SHOC2: variants seen among roughly 807,000 people sequenced by gnomAD.
SHOC2 encodes the protein leucine-rich repeat protein SHOC-2.
A neutral mutation model predicts 50.2 loss-of-function variants in SHOC2; 4 were observed. That is an observed-to-expected ratio of 0.08 (90% CI 0.04 to 0.18). SHOC2 has a LOEUF of 0.18. SHOC2 is among the 10% of genes least tolerant of loss of function. SHOC2 has a pLI of 1.00. For missense variants in SHOC2, 388 were observed against 669.6 expected (o/e 0.58, Z 4.64); for synonymous variants, 218 against 244.5 (o/e 0.89, Z 1.01).
intron 1 of SHOC2, among the ~76,000 whole-genome samples, chr10:110,954,512 T>C (rs1165576054): frequency 9.7e-6 from 1 of 102,842 alleles, no homozygotes; most frequent in African/African-American, 3.4e-5. Flanking sequence ...AATGTTTTGT[T>C]ATTTTAATAT....
chr10:110,974,102 T>A (rs1847832913), intron 2 of SHOC2, among the ~76,000 whole-genome samples: 1 of 152,040 alleles, frequency 6.6e-6, no homozygotes, highest in Non-Finnish European at 1.5e-5. Flanking sequence ...TCAATTAGAT[T>A]GATTTCAGGC....
chr10:110,955,088 C>T (rs1247448123), intron 1 of SHOC2, among the ~76,000 whole-genome samples: 3 of 151,962 alleles, frequency 2.0e-5, no homozygotes, highest in East Asian at 1.9e-4. Context: ...CTGCATACGG[C>T]GGTTAGAGAA....
intron 3 of SHOC2, among the ~76,000 whole-genome samples, chr10:110,987,338 G>C (rs1048057463): frequency 1.3e-5 from 2 of 152,148 alleles, no homozygotes; most frequent in African/African-American, 4.8e-5. Flanking sequence ...TTTCTTAGCA[G>C]GGTTGAGTAG....
At chr10:110,953,976 G>A (rs1385588317) in intron 1 of SHOC2, among the ~76,000 whole-genome samples, 1 of 151,004 alleles carries the variant, frequency 6.6e-6, no homozygotes, top group African/African-American at 2.4e-5. Flanking sequence ...AATTTGGGTT[G>A]TCTATAAGCA....
chr10:110,989,336 TTTAGTC>T (rs977134546), intron 3 of SHOC2, among the ~76,000 whole-genome samples: 1 of 152,188 alleles, frequency 6.6e-6, no homozygotes, highest in Non-Finnish European at 1.5e-5. Flanking sequence ...CCATTTTTGT[TTTAGTC>T]TTAATGTTTA....
intron 2 of SHOC2, among the ~76,000 whole-genome samples, chr10:110,965,924 T>C (rs1013213336): frequency 1.3e-5 from 2 of 152,118 alleles, no homozygotes; most frequent in Non-Finnish European, 2.9e-5. Context: ...TTTATAAGAT[T>C]TGTAAAAATT....
intron 2 of SHOC2, among the ~76,000 whole-genome samples, chr10:110,980,157 A>AC (rs1847947961): frequency 7.0e-6 from 1 of 142,230 alleles, no homozygotes; most frequent in African/African-American, 2.6e-5. Context: ...CATTCCTGTC[A>AC]CTTTTTTTTT....
Position 110,987,890 on chromosome 10 carries a change from G to A in SHOC2, c.841+2125G>A, listed in dbSNP as rs373698698. 9.3e-4 allele frequency among the ~76,000 whole-genome samples: 142 copies of A among 152,232 alleles called. 2 individuals carry two copies. In the South Asian group the frequency reaches 0.029, roughly 31 times the overall value. The stretch of plus-strand genomic sequence containing the variant: ...CAAATGAACACAGCCAGAGACCAAA[G>A]TGATGATCTCTAGGATAAATTAAAA... On this transcript the variant is annotated intron_variant, in intron 3 of 8. Coordinates refer to ENST00000369452, the MANE Select transcript of SHOC2 (RefSeq NM_007373.4).
At chr10:111,006,364 AT>A (rs997317306) in intron 5 of SHOC2, among the ~76,000 whole-genome samples, 1 of 151,460 alleles carries the variant, frequency 6.6e-6, no homozygotes. Context: ...AATGCAGCAA[AT>A]TTTTTTTTGT....
intron 1 of SHOC2, among the ~76,000 whole-genome samples, chr10:110,931,931 C>G (rs1335425039): frequency 6.6e-6 from 1 of 152,120 alleles, no homozygotes; most frequent in Admixed American, 6.5e-5. Context: ...AGTCAGACAA[C>G]TAACCTGCCA....
At chr10:110,955,678 A>G (rs1467585026) in intron 1 of SHOC2, among the ~76,000 whole-genome samples, 1 of 152,244 alleles carries the variant, frequency 6.6e-6, no homozygotes, top group Non-Finnish European at 1.5e-5. Context: ...TTAACCAAGA[A>G]ATACATAATG....
chr10:111,007,157 T>G (rs1763587964), intron 5 of SHOC2, among the ~76,000 whole-genome samples: 1 of 152,202 alleles, frequency 6.6e-6, no homozygotes, highest in Non-Finnish European at 1.5e-5. Context: ...TCTTCTATTG[T>G]TTTCATATCT....
At chr10:110,953,532 CATTG>C (rs1847398217) in intron 1 of SHOC2, among the ~76,000 whole-genome samples, 4 of 152,076 alleles carry the variant, frequency 2.6e-5, no homozygotes, top group Admixed American at 2.6e-4. Flanking sequence ...TTCATTCACC[CATTG>C]AAAGACATCT....
rs145266320 is a variant in SHOC2 at position 110,949,394 on chromosome 10, G to C, written c.-234-14731G>C. Among the ~76,000 whole-genome samples the C allele has an allele frequency of 2.3e-3, 343 of 152,154 alleles. 1 individual carries two copies. The highest frequency in any genetic ancestry group is 4.0e-3 in the Non-Finnish European group (270 of 67,952). ...ATAGCGTCTACCAATCATGAAGAAA[G>C]AGAAAATCCAATCACACCCAGTGAC... is the stretch of plus-strand genomic sequence containing the variant. On this transcript the variant is annotated intron_variant, in intron 1 of 8. Coordinates refer to ENST00000369452, the MANE Select transcript of SHOC2 (RefSeq NM_007373.4).
chr10:110,995,175 G>A (rs1848247993), intron 3 of SHOC2, among the ~76,000 whole-genome samples: 1 of 152,152 alleles, frequency 6.6e-6, no homozygotes, highest in Non-Finnish European at 1.5e-5. Flanking sequence ...AATGCCTATT[G>A]TATGCTTAGC....
intron 1 of SHOC2, among the ~76,000 whole-genome samples, chr10:110,943,031 C>T (rs184813529): frequency 6.6e-6 from 1 of 152,128 alleles, no homozygotes; most frequent in African/African-American, 2.4e-5. Context: ...TTCTGTCTGT[C>T]AGCAGTTTGA....
At chr10:111,006,506 G>A (rs1031005431) in intron 5 of SHOC2, among the ~76,000 whole-genome samples, 3 of 151,548 alleles carry the variant, frequency 2.0e-5, no homozygotes, top group African/African-American at 7.3e-5. Flanking sequence ...AAGTAGCTGG[G>A]ACTACAGGCG....
Position 111,012,728 on chromosome 10 carries a change from A to C in SHOC2, c.*910A>C, listed in dbSNP as rs1210798748. ...TATATGTATATACAATGCTATATAGATATGTATTTATTATATCATAAACTA... is the reference window on the plus strand; with the variant it reads ...TATATGTATATACAATGCTATATAGCTATGTATTTATTATATCATAAACTA... On this transcript the variant is annotated 3_prime_UTR_variant, in exon 9 of 9. Transcript: ENST00000369452. 4 of 152,460 alleles carry C rather than the reference A, an allele frequency of 2.6e-5. No homozygotes were observed. Among genetic ancestry groups the C allele is most frequent in the Non-Finnish European group, 5.9e-5 (4 of 68,034 alleles). The allele number at this position is 152,460 out of a possible 1,614,324, so 9.4% of individuals were successfully genotyped here.
intron 3 of SHOC2, among the ~76,000 whole-genome samples, chr10:110,993,517 C>T (rs1161587433): frequency 6.6e-6 from 1 of 152,108 alleles, no homozygotes; most frequent in Non-Finnish European, 1.5e-5. Context: ...TCAGAACAGC[C>T]TATTCTCATA....
Sources: gnomAD v4.1 joint callset for allele counts (sites outside exome capture counted in the v4.1 genomes callset) on GRCh38, gnomAD v4.1.1 for gene constraint, MANE v1.5 for transcripts, NCBI Gene and HGNC (gene_info 2026-07-23, HGNC 2026-07-21) for gene names.